Variants in PLCL1 observed in about 807,000 individuals in gnomAD.
PLCL1 encodes inactive phospholipase C-like protein 1.
In PLCL1, 41 loss-of-function variants were observed where a neutral mutation model predicts 84.4. The observed-to-expected ratio is 0.49, with a 90% CI of 0.38 to 0.63. The LOEUF is 0.63. PLCL1 is among the 30% of genes least tolerant of loss of function. PLCL1 has a pLI of 0.00. For synonymous variants in PLCL1, 490 were observed against 488.3 expected, an observed-to-expected ratio of 1.00 and a Z score of -0.05; for missense variants, 1,206 against 1,367.8, an observed-to-expected ratio of 0.88 and a Z score of 1.87.
intron 1 of PLCL1, among the ~76,000 whole-genome samples, chr2:198,045,573 A>T (rs186390754): frequency 6.6e-6 from 1 of 152,168 alleles, no homozygotes; most frequent in Non-Finnish European, 1.5e-5. Context: ...AAAAGAAATA[A>T]TTGTTTTGCA....
In PLCL1 at chr2:198,147,617, T is replaced by C. The variant is rs1182648821; in HGVS notation, c.*655T>C. 6.6e-6 allele frequency: 1 copy of C among 152,146 alleles called. No homozygotes were observed. The highest frequency in any genetic ancestry group is 1.5e-5 in the Non-Finnish European group (1 of 68,030). The allele number at this position is 152,146 out of a possible 1,614,324, so 9.4% of individuals were successfully genotyped here. On this transcript the variant is annotated 3_prime_UTR_variant, in exon 6 of 6. Coordinates refer to ENST00000428675, the MANE Select transcript of PLCL1 (RefSeq NM_006226.4). ...TTCAGTCAGAAAACTTTAAAAAATA[T>C]TTATTAAATAAAATCAATTTTTAGG...
chr2:198,031,346 C>T (rs1056387759), intron 1 of PLCL1, among the ~76,000 whole-genome samples: 4 of 151,786 alleles, frequency 2.6e-5, no homozygotes, highest in Admixed American at 2.0e-4. Flanking sequence ...CTAGCCTGGG[C>T]AACAGAGCAA....
chr2:197,809,654 C>T (rs1256633737), intron 1 of PLCL1, among the ~76,000 whole-genome samples: 1 of 152,080 alleles, frequency 6.6e-6, no homozygotes, highest in Non-Finnish European at 1.5e-5. Context: ...TTACCCCAGG[C>T]CCACTTTCCC....
At chr2:197,960,633 T>C (rs1436420403) in intron 1 of PLCL1, among the ~76,000 whole-genome samples, 1 of 152,012 alleles carries the variant, frequency 6.6e-6, no homozygotes, top group African/African-American at 2.4e-5. Context: ...AAGGGAAAAG[T>C]GTACAATAAT....
chr2:198,070,411 C>G (rs1014624865), intron 1 of PLCL1, among the ~76,000 whole-genome samples: 23 of 152,022 alleles, frequency 1.5e-4, no homozygotes, highest in African/African-American at 5.6e-4. Flanking sequence ...AGAGAAGATA[C>G]ACATTTTCAT....
At chr2:198,068,100 AT>A (rs897647758) in intron 1 of PLCL1, among the ~76,000 whole-genome samples, 7 of 152,152 alleles carry the variant, frequency 4.6e-5, no homozygotes, top group African/African-American at 9.6e-5. Context: ...GGTGTCAAGT[AT>A]TTTTTTTAAA....
intron 5 of PLCL1, among the ~76,000 whole-genome samples, chr2:198,118,711 C>T (rs1422828762): frequency 1.3e-5 from 2 of 151,976 alleles, no homozygotes; most frequent in African/African-American, 4.8e-5. Flanking sequence ...CTGCATACTC[C>T]TATGTCAATT....
chr2:198,066,363 T>C (rs537871497), intron 1 of PLCL1, among the ~76,000 whole-genome samples: 1 of 152,266 alleles, frequency 6.6e-6, no homozygotes, highest in South Asian at 2.1e-4. Context: ...GACTTCTCTG[T>C]TTCTACAAGC....
chr2:197,887,633 G>C (rs1228509669), intron 1 of PLCL1, among the ~76,000 whole-genome samples: 2 of 152,128 alleles, frequency 1.3e-5, no homozygotes, highest in Admixed American at 1.3e-4. Flanking sequence ...TACAAGCACA[G>C]TTATGTTACA....
At chr2:198,138,255 A>G (rs1420543871) in intron 5 of PLCL1, among the ~76,000 whole-genome samples, 1 of 152,176 alleles carries the variant, frequency 6.6e-6, no homozygotes. Flanking sequence ...ACTTACAGTC[A>G]TGGCATAAGG....
chr2:197,810,254 T>C, intron 1 of PLCL1: 1 of 1,233,994 alleles, frequency 8.1e-7, no homozygotes, highest in Non-Finnish European at 1.1e-6. Context: ...AGTGGTTGCT[T>C]CTTATTGCAG....
intron 1 of PLCL1, among the ~76,000 whole-genome samples, chr2:197,904,105 A>G (rs1462389288): frequency 6.6e-6 from 1 of 152,166 alleles, no homozygotes; most frequent in East Asian, 1.9e-4. Context: ...ACCTGGCCCA[A>G]AAACAATCTT....
rs1032405697 is a variant in PLCL1 at position 197,811,088 on chromosome 2, A to G, written c.240+5749A>G. Among the ~76,000 whole-genome samples the G allele has an allele frequency of 9.8e-5, 15 of 152,324 alleles. No individual in the cohort carries two copies. The Middle Eastern group carries it at 0.014, about 138-fold the overall frequency. On this transcript the variant is annotated intron_variant, in intron 1 of 5. Transcript: ENST00000428675. ...AATAATGTAAAAGAGGTTTATTTGT[A>G]GTTTTGTTGACTCTTATTCACCTCC...
intron 5 of PLCL1, among the ~76,000 whole-genome samples, chr2:198,142,856 T>C (rs1296941121): frequency 6.6e-6 from 1 of 152,070 alleles, no homozygotes; most frequent in Non-Finnish European, 1.5e-5. Context: ...CCCCATGAGA[T>C]TGCTAGTATA....
At chr2:197,942,858 A>T (rs185402895) in intron 1 of PLCL1, among the ~76,000 whole-genome samples, 20 of 152,292 alleles carry the variant, frequency 1.3e-4, no homozygotes, top group African/African-American at 4.3e-4. Flanking sequence ...TTTTAACCAG[A>T]CTTCTCCTGA....
Position 197,916,146 on chromosome 2 carries a change from C to G in PLCL1, c.240+110807C>G, listed in dbSNP as rs981156562. Among the ~76,000 whole-genome samples the G allele has an allele frequency of 3.3e-5, 5 of 152,180 alleles. No individual in the cohort carries two copies. In the East Asian group the frequency reaches 9.6e-4, roughly 29 times the overall value. On this transcript the variant is annotated intron_variant, in intron 1 of 5. Coordinates refer to ENST00000428675, the MANE Select transcript of PLCL1 (RefSeq NM_006226.4). ...GAGTACATTTTCAGCATTCAGATAA[C>G]ATTATTTTGACTACTTATCAGTAAT...
chr2:197,866,343 A>G (rs1172718182), intron 1 of PLCL1, among the ~76,000 whole-genome samples: 3 of 151,672 alleles, frequency 2.0e-5, no homozygotes, highest in Non-Finnish European at 4.4e-5. Context: ...AAAAAAATCT[A>G]CAGTTTTATT....
chr2:198,062,728 G>T (rs1209131603), intron 1 of PLCL1, among the ~76,000 whole-genome samples: 1 of 151,992 alleles, frequency 6.6e-6, no homozygotes, highest in Non-Finnish European at 1.5e-5. Context: ...TGAGCCTAGG[G>T]TATCATTTGT....
At chr2:198,071,083 C>T in intron 1 of PLCL1, 1 of 416,052 alleles carries the variant, frequency 2.4e-6, no homozygotes, top group Non-Finnish European at 3.1e-6. Context: ...CTTCTGTTAT[C>T]TGCTTTTTAA....
Sources: gnomAD v4.1 joint callset for allele counts (sites outside exome capture counted in the v4.1 genomes callset) on GRCh38, gnomAD v4.1.1 for gene constraint, MANE v1.5 for transcripts, NCBI Gene and HGNC (gene_info 2026-07-23, HGNC 2026-07-21) for gene names.